The following EWSR1 variants were observed in gnomAD, a reference collection of about 807,000 sequenced individuals.
EWSR1 encodes the protein RNA-binding protein EWS.
EWSR1 carries 14 observed loss-of-function variants against 92.1 expected under a neutral mutation model. The observed-to-expected ratio is 0.15, with a 90% CI of 0.10 to 0.24. The LOEUF (loss-of-function observed/expected upper bound fraction) is 0.24, where lower values mean the gene tolerates loss of function less well. EWSR1 is among the 10% of genes least tolerant of loss of function. The pLI is 1.00. For synonymous variants in EWSR1, 303 were observed against 292.9 expected (o/e 1.03, Z -0.35); for missense variants, 637 against 870.9 (o/e 0.73, Z 3.38).
chr22:29,282,192 A>G (rs1373856966), intron 5 of EWSR1, among the ~76,000 whole-genome samples, 198 bp from the exon 6 acceptor site: 1 of 152,146 alleles, frequency 6.6e-6, no homozygotes, highest in East Asian at 1.9e-4. Context: ...GTTGTCTTCA[A>G]GCAAATATAG....
chr22:29,292,590 A>G lies in EWSR1; in HGVS notation c.1148A>G (p.Gln383Arg), dbSNP rs773521736. ...GATGATCTGGCAGACTTCTTTAAGC[A>G]GTGTGGGGTTGTTAAGGTCAGTAAA... is the stretch of plus-strand genomic sequence containing the variant. Reference protein sequence around the residue: ...TLDDLADFFKQCGVVKMNKRT... With the variant: ...TLDDLADFFKRCGVVKMNKRT... Residue 383 changes from glutamine (Q) to arginine (R), a missense_variant, in exon 11 of 17, where the codon CAG becomes CGG. Physicochemically the swap from Gln to Arg is conservative, Grantham distance 43. Around this residue, in one of 5 missense-constraint regions of EWSR1, gnomAD observed 363 missense variants for 447.8 expected, o/e 0.81. Coordinates refer to ENST00000397938, the MANE Select transcript of EWSR1 (RefSeq NM_005243.4). The G allele has an allele frequency of 6.2e-7, 1 of 1,611,978 alleles. No individual in the cohort carries two copies. The highest frequency in any genetic ancestry group is 8.5e-7 in the Non-Finnish European group (1 of 1,178,166).
chr22:29,295,358 T>C (rs115906640), intron 11 of EWSR1, among the ~76,000 whole-genome samples: 1,983 of 152,226 alleles, frequency 0.013, 56 homozygotes, highest in African/African-American at 0.046. Context: ...GTGGCTCACA[T>C]GTGTAATCCC....
intron 6 of EWSR1, among the ~76,000 whole-genome samples, chr22:29,285,977 A>G (rs1323796608): frequency 6.6e-6 from 1 of 151,834 alleles, no homozygotes; most frequent in Non-Finnish European, 1.5e-5. Flanking sequence ...AGCTGGGACT[A>G]CAGGCGCCCA....
At chr22:29,280,311 G>A (rs2059461970) in intron 5 of EWSR1, among the ~76,000 whole-genome samples, 2 of 152,088 alleles carry the variant, frequency 1.3e-5, no homozygotes, top group Admixed American at 6.6e-5. Context: ...CAAGTGATCC[G>A]CCTGCCTTGG....
intron 1 of EWSR1, among the ~76,000 whole-genome samples, chr22:29,271,698 G>A (rs953994165): frequency 2.0e-5 from 3 of 152,168 alleles, no homozygotes; most frequent in African/African-American, 7.2e-5. Context: ...CTGCCATTCC[G>A]TTTCACTGTC....
At chr22:29,292,050 A>G in intron 9 of EWSR1, 87 bp from the exon 10 acceptor site, 2 of 1,104,442 alleles carry the variant, frequency 1.8e-6, no homozygotes, top group East Asian at 2.3e-5. Context: ...AAATGGTGGT[A>G]TAGTAGATAG....
intron 5 of EWSR1, among the ~76,000 whole-genome samples, chr22:29,278,767 G>T (rs2059324214): frequency 6.6e-6 from 1 of 151,886 alleles, no homozygotes; most frequent in Non-Finnish European, 1.5e-5. Context: ...GGAGCTTGCA[G>T]TGAGCTGAGA....
intron 5 of EWSR1, among the ~76,000 whole-genome samples, chr22:29,280,138 A>G (rs13057694): frequency 0.033 from 5,009 of 152,014 alleles, 127 homozygotes; most frequent in Admixed American, 0.062. Flanking sequence ...GCTGGAGTGC[A>G]GTGGCGAGTG....
At chr22:29,287,887 A>G (rs942924566) in intron 7 of EWSR1, among the ~76,000 whole-genome samples, 8 of 152,124 alleles carry the variant, frequency 5.3e-5, no homozygotes, top group African/African-American at 1.9e-4. Flanking sequence ...CATTAAGGGG[A>G]AAAATGGCCA....
chr22:29,300,016 TCCCA>T, intron 16 of EWSR1, 102 bp from the exon 17 acceptor site: 4 of 582,486 alleles, frequency 6.9e-6, no homozygotes, highest in South Asian at 3.6e-5. Context: ...CCTCACCCCT[TCCCA>T]TTCTAACCGA....
rs762864394 is a variant in EWSR1, at chr22:29,268,333, G to C, written c.-4G>C. On this transcript the variant is annotated 5_prime_UTR_variant, in exon 1 of 17. Transcript: ENST00000397938. ...GTTGAGAGAACGAGGAGGAAGGAGA[G>C]AAAATGGCGTCCACGGGTGAGTATG... 1 of 1,614,154 alleles carries C rather than the reference G, an allele frequency of 6.2e-7. No individual in the cohort carries two copies. The highest frequency in any genetic ancestry group is 8.5e-7 in the Non-Finnish European group (1 of 1,179,992).
intron 1 of EWSR1, among the ~76,000 whole-genome samples, chr22:29,270,389 C>T (rs2058576686): frequency 1.3e-5 from 2 of 152,172 alleles, no homozygotes; most frequent in Non-Finnish European, 1.5e-5. Context: ...TAAAAACGAA[C>T]ACGGTTGCTG....
In EWSR1 at chr22:29,299,245, A is replaced by C; in HGVS notation, c.1592A>C (p.Asn531Thr). The C allele has an allele frequency of 6.2e-7, 1 of 1,614,018 alleles. No homozygotes were observed. Among genetic ancestry groups the C allele is most frequent in the Non-Finnish European group, 8.5e-7 (1 of 1,179,956 alleles). Residue 531 changes from asparagine to threonine, a missense_variant, in exon 15 of 17, where the codon AAC becomes ACC. By Grantham distance (65) the Asn-to-Thr change is moderately conservative. Coordinates refer to ENST00000397938, the MANE Select transcript of EWSR1 (RefSeq NM_005243.4). Reference sequence around the variant, plus strand: ...GTAATTGTATGCAGGGGTTGTGGAAACCAGAACTTCGCCTGGAGAACAGAG... The same window carrying C: ...GTAATTGTATGCAGGGGTTGTGGAACCCAGAACTTCGCCTGGAGAACAGAG... ...DWQCPNPGCGNQNFAWRTECN... is the reference protein window; with the variant it reads ...DWQCPNPGCGTQNFAWRTECN...
At chr22:29,292,716 T>A in intron 11 of EWSR1, 110 bp downstream of exon 11, 1 of 642,476 alleles carries the variant, frequency 1.6e-6, no homozygotes, top group East Asian at 2.5e-5. Context: ...TTGCCTGACT[T>A]CTTTCTAGGT....
chr22:29,278,667 T>TA (rs1272051812), intron 5 of EWSR1, among the ~76,000 whole-genome samples: 1 of 151,302 alleles, frequency 6.6e-6, no homozygotes, highest in African/African-American at 2.4e-5. Flanking sequence ...TGCTGAAAAA[T>TA]ACAAAAAATT....
At position 29,298,865 on chromosome 22, in the gene EWSR1, A is replaced by C. The variant is rs746916052; in HGVS notation, c.1550A>C (p.His517Pro). Residue 517 changes from histidine (H) to proline (P), a missense_variant, in exon 14 of 17, where the codon CAC becomes CCC. Around this residue, in one of 5 missense-constraint regions of EWSR1, gnomAD observed 363 missense variants for 447.8 expected, o/e 0.81. Coordinates refer to ENST00000397938, the MANE Select transcript of EWSR1 (RefSeq NM_005243.4). Reference protein sequence around the residue: ...GNPSGGGNVQHRAGDWQCPNP... With the variant: ...GNPSGGGNVQPRAGDWQCPNP... Reference sequence around the variant, plus strand: ...CCCTCTGGAGGAGGAAACGTCCAGCACCGAGCTGGAGACTGGCAGTGTCCC... The same window carrying C: ...CCCTCTGGAGGAGGAAACGTCCAGCCCCGAGCTGGAGACTGGCAGTGTCCC... 1 of 1,567,888 alleles carries C rather than the reference A, an allele frequency of 6.4e-7. No homozygotes were observed. The highest frequency in any genetic ancestry group is 1.4e-5 in the African/African-American group (1 of 72,510).
intron 7 of EWSR1, 41 bp from the exon 8 acceptor site, chr22:29,288,565 A>G (rs1242767131): frequency 6.4e-7 from 1 of 1,558,562 alleles, no homozygotes. Flanking sequence ...GCAGTGGTGT[A>G]AATGCTGGTC....
Position 29,282,345 on chromosome 22 carries a change from CA to C in EWSR1, c.414-38del, listed in dbSNP as rs1307247690. ...GGAGTTTTGTGGTTGACCAACCACA[CA>C]AAAAAAGTCACTTTTTAATTTTATT... On this transcript the variant is annotated intron_variant, in intron 5 of 16. Transcript: ENST00000397938. The C allele has an allele frequency of 5.4e-6, 8 of 1,493,340 alleles. No individual in the cohort carries two copies. The Admixed American group carries it at 7.9e-5, about 15-fold the overall frequency. The allele number at this position is 1,493,340 out of a possible 1,614,324, so 92.5% of individuals were successfully genotyped here.
At position 29,298,610 on chromosome 22, in the gene EWSR1, G is replaced by T. The variant is rs746196344; in HGVS notation, c.1418-123G>T. 3.8e-5 allele frequency: 46 copies of T among 1,225,632 alleles called. No homozygotes were observed. In the African/African-American group the frequency reaches 6.2e-4, roughly 17 times the overall value. The allele number at this position is 1,225,632 out of a possible 1,614,324, so 75.9% of individuals were successfully genotyped here. A position where few individuals can be genotyped will look rare whatever the true frequency, so the allele number is the denominator to read the frequency against. Reference sequence around the variant, plus strand: ...GATGGCCTGAGCCACACGGAAACACGGGACAGGTGATGGGGAAATGACAGC... The same window carrying T: ...GATGGCCTGAGCCACACGGAAACACTGGACAGGTGATGGGGAAATGACAGC... On this transcript the variant is annotated intron_variant, in intron 13 of 16. Transcript: ENST00000397938.
Sources: gnomAD v4.1 joint callset for allele counts (sites outside exome capture counted in the v4.1 genomes callset) on GRCh38, gnomAD v4.1.1 for gene constraint, gnomAD v4.1.1 regional missense constraint, MANE v1.5 for transcripts, NCBI Gene and HGNC (gene_info 2026-07-23, HGNC 2026-07-21) for gene names.